The following SEZ6L variants were observed in gnomAD, a reference collection of about 807,000 sequenced individuals.
SEZ6L encodes seizure 6-like protein.
Under a neutral mutation model 106.2 loss-of-function variants are expected in SEZ6L, and 37 were observed. The observed-to-expected ratio is 0.35, with a 90% CI of 0.27 to 0.46. SEZ6L has a LOEUF of 0.46. Among genes scored for constraint, SEZ6L ranks in the 20% least tolerant of loss-of-function variants. The probability of loss-of-function intolerance (pLI) is 1.00; values close to 1 mark genes in which losing one functional copy is unlikely to be tolerated. For synonymous variants in SEZ6L, 541 were observed against 570.4 expected, an observed-to-expected ratio of 0.95 and a Z score of 0.73; for missense variants, 1,172 against 1,332.8, an observed-to-expected ratio of 0.88 and a Z score of 1.88.
intron 1 of SEZ6L, among the ~76,000 whole-genome samples, chr22:26,218,946 A>AG (rs2078376362): frequency 6.6e-6 from 1 of 152,168 alleles, no homozygotes; most frequent in Non-Finnish European, 1.5e-5. Context: ...TCAAAAAAAA[A>AG]GAAAAGAAAA....
chr22:26,371,063 C>T (rs2084019280), intron 13 of SEZ6L, among the ~76,000 whole-genome samples: 1 of 148,750 alleles, frequency 6.7e-6, no homozygotes, highest in Non-Finnish European at 1.5e-5. Flanking sequence ...CTGTGTTTTA[C>T]TTATTACAAA....
At chr22:26,247,347 G>A (rs908250682) in intron 1 of SEZ6L, among the ~76,000 whole-genome samples, 15 of 152,146 alleles carry the variant, frequency 9.9e-5, no homozygotes, top group Non-Finnish European at 1.6e-4. Flanking sequence ...CCAAATTCAT[G>A]TCTGCCGAAA....
rs1457248413 is a variant in SEZ6L at position 26,311,889 on chromosome 22, G to T, written c.1803G>T (p.Glu601Asp). ...CCTGCGACCCCGGCCACTCCCTGGA[G>T]CAGGGCCCGGCCATCATCGAATGCA... ...EFTCDPGHSL[E>D]QGPAIIECIN... Residue 601 changes from glutamate to aspartate, a missense_variant, in exon 8 of 17, where the codon GAG becomes GAT. By Grantham distance (45) the Glu-to-Asp change is conservative (BLOSUM62 2). This residue lies in a region of SEZ6L where 534 missense variants were observed against 691.0 expected (regional missense o/e 0.77). Coordinates refer to ENST00000248933, the MANE Select transcript of SEZ6L (RefSeq NM_021115.5). 6.2e-7 allele frequency: 1 copy of T among 1,614,224 alleles called. No individual in the cohort carries two copies. The highest frequency in any genetic ancestry group is 8.5e-7 in the Non-Finnish European group (1 of 1,180,044).
intron 12 of SEZ6L, among the ~76,000 whole-genome samples, chr22:26,354,712 T>C (rs1050248268): frequency 1.3e-5 from 2 of 152,180 alleles, no homozygotes; most frequent in African/African-American, 4.8e-5. Context: ...TGAGACCCAG[T>C]CTCTAAAGAC....
At chr22:26,175,162 A>G (rs980770662) in intron 1 of SEZ6L, among the ~76,000 whole-genome samples, 3 of 152,150 alleles carry the variant, frequency 2.0e-5, no homozygotes, top group Admixed American at 2.0e-4. Context: ...TGCGCATGGG[A>G]TGTGTACTCA....
intron 1 of SEZ6L, among the ~76,000 whole-genome samples, chr22:26,286,926 T>G (rs2080952342): frequency 6.6e-6 from 1 of 152,056 alleles, no homozygotes; most frequent in Non-Finnish European, 1.5e-5. Flanking sequence ...TTTTGTATTT[T>G]TAGTAGAGAC....
Position 26,296,854 on chromosome 22 carries a change from G to A in SEZ6L, c.970-34G>A, listed in dbSNP as rs375174758. 10 of 1,515,316 alleles carry A rather than the reference G, an allele frequency of 6.6e-6. No individual in the cohort carries two copies. The African/African-American group carries it at 1.3e-4, about 19-fold the overall frequency. 93.9% of individuals were successfully genotyped at this position (1,515,316 alleles called of 1,614,324 possible). ...AAGGCTCTGTCTCAAACACAACTCAGAGTTCCTCTCTGTCTGCTTCTGCCT... is the reference window on the plus strand; with the variant it reads ...AAGGCTCTGTCTCAAACACAACTCAAAGTTCCTCTCTGTCTGCTTCTGCCT... On this transcript the variant is annotated intron_variant, in intron 3 of 16. Transcript: ENST00000248933.
intron 11 of SEZ6L, among the ~76,000 whole-genome samples, 185 bp from the exon 12 acceptor site, chr22:26,350,867 A>G (rs5761492): frequency 0.19 from 28,892 of 151,872 alleles, 2,965 homozygotes; most frequent in South Asian, 0.36. Context: ...CATGTTAGCC[A>G]GGATGGTCTC....
chr22:26,296,473 A>G (rs142586124), intron 3 of SEZ6L, among the ~76,000 whole-genome samples: 1 of 152,244 alleles, frequency 6.6e-6, no homozygotes, highest in Non-Finnish European at 1.5e-5. Context: ...TGCAGAGTAT[A>G]CATTCTGGTA....
chr22:26,280,672 C>G (rs1329440221), intron 1 of SEZ6L, among the ~76,000 whole-genome samples: 2 of 152,176 alleles, frequency 1.3e-5, no homozygotes, highest in Non-Finnish European at 2.9e-5. Context: ...TATCATAGTT[C>G]AATTCTGAGC....
chr22:26,279,138 C>A (rs921474608), intron 1 of SEZ6L, among the ~76,000 whole-genome samples: 1 of 152,212 alleles, frequency 6.6e-6, no homozygotes, highest in African/African-American at 2.4e-5. Flanking sequence ...ATTTCCCATG[C>A]TCTGTCTGTG....
intron 12 of SEZ6L, among the ~76,000 whole-genome samples, chr22:26,361,726 G>A (rs1378731018): frequency 6.6e-6 from 1 of 152,098 alleles, no homozygotes; most frequent in African/African-American, 2.4e-5. Flanking sequence ...GCTCAGAGAG[G>A]TCAGTTGTGC....
intron 9 of SEZ6L, among the ~76,000 whole-genome samples, chr22:26,321,619 G>T (rs977464633): frequency 6.6e-6 from 1 of 152,200 alleles, no homozygotes; most frequent in Non-Finnish European, 1.5e-5. Context: ...CCAGGGTTAC[G>T]TGAGGCCCAA....
At chr22:26,260,119 C>T (rs2079951028) in intron 1 of SEZ6L, among the ~76,000 whole-genome samples, 1 of 152,106 alleles carries the variant, frequency 6.6e-6, no homozygotes, top group Non-Finnish European at 1.5e-5. Flanking sequence ...ATATATCCAA[C>T]AAACATTTAC....
At position 26,381,692 on chromosome 22, in the gene SEZ6L, T is replaced by C. The variant is rs2084415025; in HGVS notation, c.*1397T>C. ...GGTGAGTGTGTAACTCTTGGGAAGA[T>C]TCTTTTCTAAATACAGGTATAAAGA... On this transcript the variant is annotated 3_prime_UTR_variant, in exon 17 of 17. Coordinates refer to ENST00000248933, the MANE Select transcript of SEZ6L (RefSeq NM_021115.5). 1 of 164,900 alleles carries C rather than the reference T, an allele frequency of 6.1e-6. No homozygotes were observed. Among genetic ancestry groups the C allele is most frequent in the Non-Finnish European group, 1.3e-5 (1 of 75,314 alleles). The allele number at this position is 164,900 out of a possible 1,614,324, so 10.2% of individuals were successfully genotyped here. A position where few individuals can be genotyped will look rare whatever the true frequency, so the allele number is the denominator to read the frequency against.
Position 26,246,137 on chromosome 22 carries a change from A to C in SEZ6L, c.95-46269A>C, listed in dbSNP as rs77305263. Among the ~76,000 whole-genome samples the C allele has an allele frequency of 2.0e-3, 312 of 152,280 alleles. 1 individual carries two copies. Among genetic ancestry groups the C allele is most frequent in the African/African-American group, 7.2e-3 (298 of 41,562 alleles). ...TTAGACATTCACTTGTCTTAGTCTT[A>C]ATAATTGACCAAATCTCCTCTCCTT... On this transcript the variant is annotated intron_variant, in intron 1 of 16. Coordinates refer to ENST00000248933, the MANE Select transcript of SEZ6L (RefSeq NM_021115.5).
At chr22:26,264,277 T>G (rs1420485989) in intron 1 of SEZ6L, among the ~76,000 whole-genome samples, 1 of 152,194 alleles carries the variant, frequency 6.6e-6, no homozygotes, top group Non-Finnish European at 1.5e-5. Context: ...AGCACAGGCT[T>G]TGTCAGGGCC....
chr22:26,282,034 A>G (rs2080788138), intron 1 of SEZ6L, among the ~76,000 whole-genome samples: 1 of 152,224 alleles, frequency 6.6e-6, no homozygotes, highest in South Asian at 2.1e-4. Context: ...TTTTGCTGCT[A>G]CAAATGGGGC....
chr22:26,305,616 T>C (rs2081605013), intron 5 of SEZ6L, among the ~76,000 whole-genome samples: 1 of 152,236 alleles, frequency 6.6e-6, no homozygotes, highest in Admixed American at 6.5e-5. Flanking sequence ...CCTGTTTATA[T>C]CCTTCTTGAT....
Sources: gnomAD v4.1 joint callset for allele counts (sites outside exome capture counted in the v4.1 genomes callset) on GRCh38, gnomAD v4.1.1 for gene constraint, gnomAD v4.1.1 regional missense constraint, MANE v1.5 for transcripts, NCBI Gene and HGNC (gene_info 2026-07-23, HGNC 2026-07-21) for gene names.